The following EVC2 variants were observed in gnomAD, a reference collection of about 807,000 sequenced individuals.
EVC2 encodes the protein EvC ciliary complex subunit 2, also known as limbin.
Under a neutral mutation model 149.3 loss-of-function variants are expected in EVC2, and 148 were observed. The observed-to-expected ratio is 0.99, with a 90% CI of 0.87 to 1.14. The LOEUF is 1.14. Ranked by LOEUF, EVC2 falls within the 50% of genes most tolerant of loss-of-function variation. The pLI, the probability that EVC2 is intolerant of heterozygous loss-of-function variation, is 0.00. For missense variants in EVC2, 1,854 were observed against 1,627.3 expected (o/e 1.14, Z -2.40); for synonymous variants, 776 against 649.9 (o/e 1.19, Z -2.95).
intron 1 of EVC2, among the ~76,000 whole-genome samples, chr4:5,706,831 C>T (rs1722231987): frequency 6.6e-6 from 1 of 152,112 alleles, no homozygotes; most frequent in Admixed American, 6.5e-5. Flanking sequence ...GCCAAGGGCA[C>T]CTGAATACAG....
In EVC2 at chr4:5,686,433, C is replaced by T. The variant is rs973002420; in HGVS notation, c.707-954G>A. 5.3e-5 allele frequency among the ~76,000 whole-genome samples: 8 copies of T among 152,084 alleles called. No homozygotes were observed. Among genetic ancestry groups the T allele is most frequent in the Non-Finnish European group, 1.0e-4 (7 of 68,032 alleles). On this transcript the variant is annotated intron_variant, in intron 5 of 21. Transcript: ENST00000344408. This position sits in a 1 kb window ranked among gnomAD's most constrained non-coding sequence, Gnocchi z 5.4. ...ATAATGGCAGTGACAATGACAATGA[C>T]GGGGAAAGAAGTCATAGTCAGACCT...
downstream of EVC2, among the ~76,000 whole-genome samples, chr4:5,560,087 G>A (rs542522193): frequency 4.0e-5 from 6 of 151,502 alleles, no homozygotes; most frequent in African/African-American, 7.3e-5. This position sits in a 1 kb window ranked among gnomAD's most constrained non-coding sequence, Gnocchi z 4.1. Context: ...GTTAGTCAAC[G>A]CAACTAGATC....
At chr4:5,562,094 G>A (rs1024984060), downstream of EVC2, among the ~76,000 whole-genome samples, 1 of 152,176 alleles carries the variant, frequency 6.6e-6, no homozygotes, top group Non-Finnish European at 1.5e-5. The surrounding 1 kb of genome is among the most constrained non-coding windows in gnomAD (Gnocchi z 4.3). Flanking sequence ...CTGTTTATAG[G>A]TAACTGTGTG....
intron 12 of EVC2, among the ~76,000 whole-genome samples, chr4:5,628,009 T>C (rs1577178207): frequency 1.3e-5 from 2 of 152,310 alleles, no homozygotes; most frequent in Middle Eastern, 6.8e-3. Flanking sequence ...TGCAACTATA[T>C]GCAACAGTCT....
At chr4:5,568,236 T>G (rs1403267029) in intron 20 of EVC2, among the ~76,000 whole-genome samples, 1 of 152,208 alleles carries the variant, frequency 6.6e-6, no homozygotes, top group Non-Finnish European at 1.5e-5. Flanking sequence ...TTATGCATTT[T>G]TTTTTTTACG....
At chr4:5,687,601 G>A (rs73798122) in intron 5 of EVC2, among the ~76,000 whole-genome samples, 12,316 of 152,112 alleles carry the variant, frequency 0.081, 610 homozygotes, top group East Asian at 0.2. Flanking sequence ...GACTGGGTAG[G>A]GCTTTCTAGA....
chr4:5,708,152 G>A, intron 1 of EVC2, 134 bp downstream of exon 1: 1 of 763,290 alleles, frequency 1.3e-6, no homozygotes, highest in South Asian at 2.8e-5. Context: ...TAAGGGCCGC[G>A]AAGCACCCTA....
the EVC2 span, among the ~76,000 whole-genome samples, chr4:5,532,760 G>A: frequency 2.0e-5 from 3 of 151,982 alleles, no homozygotes; most frequent in Non-Finnish European, 2.9e-5. Context: ...CACAGCCCTC[G>A]AGATGCTCAA....
intron 5 of EVC2, among the ~76,000 whole-genome samples, chr4:5,687,645 G>C (rs965092274): frequency 1.3e-5 from 2 of 152,180 alleles, no homozygotes; most frequent in African/African-American, 2.4e-5. Context: ...CCAAAGAATA[G>C]AGATGATTTG....
chr4:5,643,813 C>T (rs772143490), intron 9 of EVC2, among the ~76,000 whole-genome samples: 17 of 152,034 alleles, frequency 1.1e-4, no homozygotes, highest in African/African-American at 4.1e-4. Flanking sequence ...CCCAGCTACT[C>T]GGGTGGCTGA....
intron 1 of EVC2, among the ~76,000 whole-genome samples, chr4:5,698,222 T>C (rs907747750): frequency 6.6e-6 from 1 of 152,166 alleles, no homozygotes; most frequent in African/African-American, 2.4e-5. Context: ...TGAAATGTCT[T>C]ATCATCAGAC....
chr4:5,586,126 T>C (rs1196015323), intron 16 of EVC2, among the ~76,000 whole-genome samples: 1 of 152,144 alleles, frequency 6.6e-6, no homozygotes, highest in Non-Finnish European at 1.5e-5. Context: ...CCTCCCAAAG[T>C]GCTGGGATTA....
intron 9 of EVC2, among the ~76,000 whole-genome samples, chr4:5,658,683 GA>G (rs1263845345): frequency 6.6e-6 from 1 of 152,204 alleles, no homozygotes; most frequent in Non-Finnish European, 1.5e-5. Flanking sequence ...TCGGTCAGTA[GA>G]AGAAAAGATT....
chr4:5,663,554 T>A (rs1719048211), intron 8 of EVC2, among the ~76,000 whole-genome samples: 2 of 152,202 alleles, frequency 1.3e-5, no homozygotes, highest in African/African-American at 4.8e-5. Context: ...ATCTTTATCA[T>A]TATCAGGTAG....
At chr4:5,599,467 A>C (rs956274945) in intron 16 of EVC2, among the ~76,000 whole-genome samples, 5 of 152,174 alleles carry the variant, frequency 3.3e-5, no homozygotes, top group African/African-American at 9.7e-5. Context: ...AAACTATCGC[A>C]AGAACAAAAA....
intron 7 of EVC2, among the ~76,000 whole-genome samples, chr4:5,667,945 T>G (rs1021207464): frequency 2.0e-5 from 3 of 152,214 alleles, no homozygotes; most frequent in Non-Finnish European, 4.4e-5. Flanking sequence ...AAATCCAAGT[T>G]TCCAGACACC....
chr4:5,674,865 A>G (rs1343711447), intron 7 of EVC2, among the ~76,000 whole-genome samples: 1 of 152,236 alleles, frequency 6.6e-6, no homozygotes, highest in African/African-American at 2.4e-5. Context: ...CAGAAAGGAT[A>G]GGATGCTGGG....
chr4:5,668,982 G>A (rs573459657), intron 7 of EVC2, among the ~76,000 whole-genome samples: 2 of 152,222 alleles, frequency 1.3e-5, no homozygotes, highest in Non-Finnish European at 2.9e-5. Flanking sequence ...TCTTCATGAG[G>A]AGAGGGAGAT....
chr4:5,651,179 C>T (rs141233809), intron 9 of EVC2, among the ~76,000 whole-genome samples: 256 of 151,518 alleles, frequency 1.7e-3, no homozygotes, highest in African/African-American at 5.9e-3. Flanking sequence ...CACGGGTAGG[C>T]GAATAGATGG....
Sources: gnomAD v4.1 joint callset for allele counts (sites outside exome capture counted in the v4.1 genomes callset) on GRCh38, gnomAD v4.1.1 for gene constraint, Gnocchi (gnomAD v3.1) non-coding constraint, MANE v1.5 for transcripts, NCBI Gene and HGNC (gene_info 2026-07-23, HGNC 2026-07-21) for gene names.